WWOX: variants seen among roughly 807,000 people sequenced by gnomAD.
WWOX encodes WW domain-containing oxidoreductase.
In WWOX, 69 loss-of-function variants were observed where a neutral mutation model predicts 46.2. The observed-to-expected ratio is 1.49, with a 90% confidence interval of 1.23 to 1.82. The LOEUF (loss-of-function observed/expected upper bound fraction) is 1.82. Ranked by LOEUF, WWOX falls within the 40% of genes most tolerant of loss-of-function variation. WWOX has a pLI of 0.00. For synonymous variants in WWOX, 359 were observed against 202.6 expected, an observed-to-expected ratio of 1.77 and a Z score of -6.56; for missense variants, 919 against 542.6, an observed-to-expected ratio of 1.69 and a Z score of -6.89.
intron 8 of WWOX, among the ~76,000 whole-genome samples, chr16:79,055,404 C>T (rs2048243297): frequency 6.6e-6 from 1 of 152,086 alleles, no homozygotes; most frequent in African/African-American, 2.4e-5. Flanking sequence ...TGGAATGTGG[C>T]TGAGTGGCCG....
At chr16:78,337,304 T>A (rs947484044) in intron 5 of WWOX, among the ~76,000 whole-genome samples, 8 of 152,152 alleles carry the variant, frequency 5.3e-5, no homozygotes, top group African/African-American at 1.9e-4. Flanking sequence ...AGTTGTAGAT[T>A]TACAAAGTAA....
At chr16:78,417,373 A>G (rs1264642164) in intron 6 of WWOX, among the ~76,000 whole-genome samples, 1 of 152,144 alleles carries the variant, frequency 6.6e-6, no homozygotes, top group Non-Finnish European at 1.5e-5. Context: ...GATTACAGGC[A>G]TGAGCCACCA....
intron 5 of WWOX, among the ~76,000 whole-genome samples, chr16:78,328,027 C>T (rs1226889338): frequency 1.3e-5 from 2 of 151,926 alleles, no homozygotes; most frequent in African/African-American, 4.8e-5. Context: ...GGGTTTGTAC[C>T]ACCTTGCCTG....
At chr16:78,282,245 G>C (rs975259735) in intron 5 of WWOX, among the ~76,000 whole-genome samples, 1 of 152,140 alleles carries the variant, frequency 6.6e-6, no homozygotes, top group African/African-American at 2.4e-5. Flanking sequence ...AAACATTCTG[G>C]ACACACAAAT....
chr16:78,331,108 T>C (rs1019898209), intron 5 of WWOX, among the ~76,000 whole-genome samples: 34 of 152,196 alleles, frequency 2.2e-4, no homozygotes, highest in African/African-American at 8.0e-4. Flanking sequence ...AAAGTCTGTT[T>C]TTTTAACACC....
At chr16:78,439,004 G>A (rs1156738457) in intron 8 of WWOX, among the ~76,000 whole-genome samples, 1 of 152,118 alleles carries the variant, frequency 6.6e-6, no homozygotes. Flanking sequence ...ATGTTGATTT[G>A]TTCCTGAAAT....
At chr16:78,906,034 A>G (rs1056185089) in intron 8 of WWOX, among the ~76,000 whole-genome samples, 1 of 152,172 alleles carries the variant, frequency 6.6e-6, no homozygotes, top group Admixed American at 6.5e-5. Context: ...ATGATGGATG[A>G]ATGAATGAAT....
intron 8 of WWOX, among the ~76,000 whole-genome samples, chr16:78,819,169 A>G (rs770365442): frequency 6.6e-6 from 1 of 152,098 alleles, no homozygotes; most frequent in African/African-American, 2.4e-5. Context: ...CTTCTTTTGG[A>G]TCTTCTCAGC....
At chr16:78,820,842 G>T (rs78680005) in intron 8 of WWOX, among the ~76,000 whole-genome samples, 1 of 152,082 alleles carries the variant, frequency 6.6e-6, no homozygotes. Context: ...CTGTCTCCTG[G>T]TTTCTGGTGA....
chr16:78,644,894 G>A (rs1196642610), intron 8 of WWOX, among the ~76,000 whole-genome samples: 1 of 152,186 alleles, frequency 6.6e-6, no homozygotes, highest in Non-Finnish European at 1.5e-5. Context: ...CGGCATGTTA[G>A]GAATATAGAT....
At chr16:78,358,483 C>G (rs923297844) in intron 5 of WWOX, among the ~76,000 whole-genome samples, 1 of 152,210 alleles carries the variant, frequency 6.6e-6, no homozygotes, top group Non-Finnish European at 1.5e-5. Flanking sequence ...CATGGTGAAA[C>G]CCTGTCTCTA....
At chr16:79,175,915 C>T (rs1325541902) in intron 8 of WWOX, among the ~76,000 whole-genome samples, 1 of 152,158 alleles carries the variant, frequency 6.6e-6, no homozygotes. Flanking sequence ...TTTGGTCATG[C>T]TGTAATCTCT....
intron 8 of WWOX, among the ~76,000 whole-genome samples, chr16:79,177,820 T>C (rs1370295700): frequency 6.6e-6 from 1 of 152,256 alleles, no homozygotes; most frequent in African/African-American, 2.4e-5. Context: ...AAGTACTAAA[T>C]GTTACCATTT....
intron 8 of WWOX, among the ~76,000 whole-genome samples, chr16:78,765,100 C>T (rs144375697): frequency 1.5e-4 from 23 of 152,236 alleles, no homozygotes; most frequent in African/African-American, 4.8e-4. Flanking sequence ...GGATGGGTGG[C>T]GGCTGTGCGG....
At chr16:79,182,997 G>C (rs1404147505) in intron 8 of WWOX, among the ~76,000 whole-genome samples, 11 of 152,222 alleles carry the variant, frequency 7.2e-5, no homozygotes. Context: ...GGTCAGCATA[G>C]TGGTGGCCCT....
chr16:78,936,217 T>C (rs17505656), intron 8 of WWOX, among the ~76,000 whole-genome samples: 9,507 of 152,136 alleles, frequency 0.062, 371 homozygotes, highest in Middle Eastern at 0.12. Flanking sequence ...AGTTTAATGG[T>C]TGACTTTTGG....
intron 8 of WWOX, among the ~76,000 whole-genome samples, chr16:78,858,971 G>A (rs375293252): frequency 7.6e-6 from 1 of 130,814 alleles, no homozygotes; most frequent in Non-Finnish European, 1.5e-5. Flanking sequence ...GAGCCACCAC[G>A]GCTGGCCAAT....
chr16:79,199,829 T>C (rs927830654), intron 8 of WWOX, among the ~76,000 whole-genome samples: 1 of 152,118 alleles, frequency 6.6e-6, no homozygotes, highest in Non-Finnish European at 1.5e-5. Flanking sequence ...GCAATGTGCA[T>C]TTGTGTGCCT....
intron 8 of WWOX, among the ~76,000 whole-genome samples, chr16:78,640,630 A>G (rs762912911): frequency 6.6e-6 from 1 of 152,124 alleles, no homozygotes; most frequent in Admixed American, 6.5e-5. Flanking sequence ...GTACCCTGGA[A>G]CTTAAAAGTT....
Sources: allele counts gnomAD v4.1 joint callset (sites outside exome capture counted in the v4.1 genomes callset), GRCh38; gene constraint gnomAD v4.1.1; transcripts MANE v1.5; gene names NCBI Gene and HGNC (gene_info 2026-07-23, HGNC 2026-07-21).